The following ULK4 variants were observed in gnomAD, a reference collection of about 807,000 sequenced individuals.
ULK4 encodes unc-51 like kinase 4, also known as inactive serine/threonine-protein kinase ULK4.
A neutral mutation model predicts 160.6 loss-of-function variants in ULK4; 133 were observed. The observed-to-expected ratio is 0.83, with a 90% CI of 0.72 to 0.96. The LOEUF (loss-of-function observed/expected upper bound fraction) is 0.96, where lower values mean the gene tolerates loss of function less well. Ranked by LOEUF, ULK4 falls within the 40% of genes least tolerant of loss-of-function variation. ULK4 has a pLI of 0.00. For missense variants in ULK4, 1,580 were observed against 1,499.5 expected, an observed-to-expected ratio of 1.05 and a Z score of -0.89; for synonymous variants, 534 against 539.8, an observed-to-expected ratio of 0.99 and a Z score of 0.15.
At chr3:41,811,165 G>A (rs2040810755) in intron 19 of ULK4, among the ~76,000 whole-genome samples, 1 of 151,972 alleles carries the variant, frequency 6.6e-6, no homozygotes, top group Non-Finnish European at 1.5e-5. Context: ...GGGATTACAG[G>A]TATAAGCCAC....
chr3:41,410,472 T>C (rs368056499), intron 34 of ULK4, among the ~76,000 whole-genome samples: 4 of 152,180 alleles, frequency 2.6e-5, no homozygotes, highest in African/African-American at 7.2e-5. Context: ...GGCCAGTTTA[T>C]AGAAATAGAA....
intron 32 of ULK4, among the ~76,000 whole-genome samples, chr3:41,554,289 C>A (rs551684338): frequency 6.6e-6 from 1 of 152,220 alleles, no homozygotes; most frequent in East Asian, 1.9e-4. Flanking sequence ...AGTATTCTAT[C>A]CATGTATAGA....
intron 30 of ULK4, among the ~76,000 whole-genome samples, chr3:41,648,886 C>A (rs1050634892): frequency 1.3e-5 from 2 of 152,124 alleles, no homozygotes; most frequent in African/African-American, 2.4e-5. Context: ...ATAATCCCAG[C>A]ACTTTAGGAG....
intron 4 of ULK4, among the ~76,000 whole-genome samples, chr3:41,932,554 C>T (rs1327069723): frequency 2.6e-5 from 4 of 152,112 alleles, no homozygotes; most frequent in African/African-American, 9.7e-5. Context: ...AAGGATTAAT[C>T]GAAGTTATGC....
intron 17 of ULK4, among the ~76,000 whole-genome samples, chr3:41,842,436 A>C (rs1175061061): frequency 6.6e-6 from 1 of 152,204 alleles, no homozygotes; most frequent in Non-Finnish European, 1.5e-5. Context: ...TCTCATGTTG[A>C]AATCTGATCC....
intron 18 of ULK4, among the ~76,000 whole-genome samples, chr3:41,829,204 C>A (rs1217678776): frequency 6.7e-6 from 1 of 149,450 alleles, no homozygotes; most frequent in Non-Finnish European, 1.5e-5. Context: ...TAGAAGAAAA[C>A]CTAGGCAATA....
At chr3:41,495,269 T>C (rs1575309376) in intron 32 of ULK4, among the ~76,000 whole-genome samples, 2 of 152,062 alleles carry the variant, frequency 1.3e-5, no homozygotes, top group Non-Finnish European at 2.9e-5. Flanking sequence ...TCAGAAATAA[T>C]GCCGCATATC....
intron 32 of ULK4, among the ~76,000 whole-genome samples, chr3:41,475,160 TAAAAA>T (rs1691824640): frequency 6.6e-6 from 1 of 152,100 alleles, no homozygotes; most frequent in African/African-American, 2.4e-5. Flanking sequence ...TATTCAGCCT[TAAAAA>T]AGAAAAAATT....
intron 22 of ULK4, among the ~76,000 whole-genome samples, chr3:41,750,431 T>C (rs1172356963): frequency 6.6e-6 from 1 of 152,150 alleles, no homozygotes; most frequent in Non-Finnish European, 1.5e-5. Flanking sequence ...CTCCTAATGT[T>C]CTTGGCACTT....
intron 27 of ULK4, among the ~76,000 whole-genome samples, chr3:41,692,187 G>A (rs997640001): frequency 1.0e-4 from 15 of 150,396 alleles, no homozygotes; most frequent in African/African-American, 2.2e-4. Flanking sequence ...TCCTGACCTC[G>A]TGATCTGCCC....
At chr3:41,737,051 C>T (rs1188131951) in intron 22 of ULK4, among the ~76,000 whole-genome samples, 1 of 151,686 alleles carries the variant, frequency 6.6e-6, no homozygotes, top group Non-Finnish European at 1.5e-5. Flanking sequence ...CATTGGTCTA[C>T]ATCTCTGTTT....
At chr3:41,254,906 AG>A (rs1575357555) in intron 35 of ULK4, among the ~76,000 whole-genome samples, 2 of 151,954 alleles carry the variant, frequency 1.3e-5, no homozygotes, top group East Asian at 3.9e-4. Context: ...AAGAAAAAAA[AG>A]AAGAAACTAG....
At chr3:41,734,614 T>C (rs2037963674) in intron 22 of ULK4, among the ~76,000 whole-genome samples, 1 of 151,972 alleles carries the variant, frequency 6.6e-6, no homozygotes, top group Non-Finnish European at 1.5e-5. Flanking sequence ...AACAGAAAAG[T>C]GGAAACCAAC....
intron 18 of ULK4, among the ~76,000 whole-genome samples, chr3:41,829,716 A>G (rs1157547734): frequency 6.6e-6 from 1 of 151,894 alleles, no homozygotes; most frequent in Non-Finnish European, 1.5e-5. Flanking sequence ...AACTAGTTCA[A>G]CCATTGTGGA....
chr3:41,661,811 G>C (rs1183762631), intron 30 of ULK4, among the ~76,000 whole-genome samples: 1 of 152,068 alleles, frequency 6.6e-6, no homozygotes, highest in Non-Finnish European at 1.5e-5. Context: ...TTAAAAACTA[G>C]AGTAAACGGA....
intron 32 of ULK4, among the ~76,000 whole-genome samples, chr3:41,513,789 T>TA (rs1401779772): frequency 6.6e-6 from 1 of 152,134 alleles, no homozygotes; most frequent in East Asian, 1.9e-4. Context: ...ATAAAAATGA[T>TA]ACAATGGACT....
At chr3:41,915,476 A>T (rs890366703) in intron 8 of ULK4, 2 of 153,666 alleles carry the variant, frequency 1.3e-5, no homozygotes, top group East Asian at 3.8e-4. Flanking sequence ...CTCAACAATG[A>T]TTTCTAACAT....
chr3:41,359,133 G>C (rs1386159989), intron 35 of ULK4, among the ~76,000 whole-genome samples: 1 of 152,182 alleles, frequency 6.6e-6, no homozygotes, highest in African/African-American at 2.4e-5. Flanking sequence ...TCTGACTTGG[G>C]AAACTTGAAG....
chr3:41,478,553 C>T (rs570280244), intron 32 of ULK4, among the ~76,000 whole-genome samples: 2 of 152,158 alleles, frequency 1.3e-5, no homozygotes, highest in Non-Finnish European at 2.9e-5. Flanking sequence ...CAAGTGAGTG[C>T]CATGCCCTTT....
Sources: gnomAD v4.1 joint callset for allele counts (sites outside exome capture counted in the v4.1 genomes callset) on GRCh38, gnomAD v4.1.1 for gene constraint, MANE v1.5 for transcripts, NCBI Gene and HGNC (gene_info 2026-07-23, HGNC 2026-07-21) for gene names.